The following SLC9A9 variants were observed in gnomAD, a reference collection of about 807,000 sequenced individuals.
The protein encoded by SLC9A9 is solute carrier family 9 member A9.
A neutral mutation model predicts 77.8 loss-of-function variants in SLC9A9; 62 were observed. The ratio of observed to expected loss-of-function variants is 0.80; its 90% CI spans 0.65 to 0.98. The LOEUF is 0.98. SLC9A9 is among the 50% of genes least tolerant of loss of function. The pLI is 0.00. For missense variants in SLC9A9, 775 were observed against 774.9 expected, an observed-to-expected ratio of 1.00 and a Z score of 0.00; for synonymous variants, 320 against 283.5, an observed-to-expected ratio of 1.13 and a Z score of -1.29.
intron 12 of SLC9A9, among the ~76,000 whole-genome samples, chr3:143,417,062 G>A (rs187855092): frequency 4.1e-4 from 63 of 152,206 alleles, no homozygotes; most frequent in African/African-American, 1.2e-3. Flanking sequence ...GTATGCTGAC[G>A]TTTGCCAATC....
chr3:143,740,055 A>G (rs1935039496), intron 4 of SLC9A9, among the ~76,000 whole-genome samples: 1 of 152,194 alleles, frequency 6.6e-6, no homozygotes, highest in Non-Finnish European at 1.5e-5. Context: ...GGACTGTGTT[A>G]TTGAAGATGC....
chr3:143,488,447 T>C (rs2035686797), intron 11 of SLC9A9, among the ~76,000 whole-genome samples: 1 of 151,766 alleles, frequency 6.6e-6, no homozygotes, highest in African/African-American at 2.4e-5. Flanking sequence ...CAAGACACAA[T>C]AAGAAAACCA....
Position 143,714,057 on chromosome 3 carries a change from A to G in SLC9A9, c.534-20750T>C, listed in dbSNP as rs1278235219. 3.3e-5 allele frequency among the ~76,000 whole-genome samples: 5 copies of G among 152,212 alleles called. No homozygotes were observed. The East Asian group carries it at 9.6e-4, about 29-fold the overall frequency. On this transcript the variant is annotated intron_variant, in intron 4 of 15. Coordinates refer to ENST00000316549, the MANE Select transcript of SLC9A9 (RefSeq NM_173653.4). Reference sequence around the variant, plus strand: ...TTTGCGATTAGAATGACAACAGATGAAGTTATTCTTGTCTGTGTCGAAAAA... The same window carrying G: ...TTTGCGATTAGAATGACAACAGATGGAGTTATTCTTGTCTGTGTCGAAAAA...
At chr3:143,593,375 G>C (rs552464992) in intron 6 of SLC9A9, among the ~76,000 whole-genome samples, 10 of 152,292 alleles carry the variant, frequency 6.6e-5, no homozygotes, top group African/African-American at 2.4e-4. Context: ...CAGCTAGTGG[G>C]TACTGTTGTA....
intron 12 of SLC9A9, among the ~76,000 whole-genome samples, chr3:143,408,460 T>C (rs1326217733): frequency 6.6e-6 from 1 of 152,220 alleles, no homozygotes; most frequent in East Asian, 1.9e-4. Context: ...CTATTAGCAC[T>C]GTATAATATT....
chr3:143,562,132 G>T (rs980395668), intron 8 of SLC9A9, among the ~76,000 whole-genome samples: 1 of 152,170 alleles, frequency 6.6e-6, no homozygotes, highest in African/African-American at 2.4e-5. Flanking sequence ...TGGGTATGAG[G>T]AACACAAGAC....
At chr3:143,667,969 A>C (rs1287965375) in intron 5 of SLC9A9, among the ~76,000 whole-genome samples, 1 of 152,112 alleles carries the variant, frequency 6.6e-6, no homozygotes, top group African/African-American at 2.4e-5. Context: ...TTGACCCAGC[A>C]ATCCCATTAC....
chr3:143,398,585 A>T (rs1293813504), intron 12 of SLC9A9, among the ~76,000 whole-genome samples: 2 of 152,172 alleles, frequency 1.3e-5, no homozygotes, highest in Non-Finnish European at 2.9e-5. Context: ...GCAAAAAGAG[A>T]TTTATAACCC....
chr3:143,348,957 T>C (rs1207581202), intron 14 of SLC9A9, among the ~76,000 whole-genome samples: 1 of 152,232 alleles, frequency 6.6e-6, no homozygotes, highest in Non-Finnish European at 1.5e-5. Flanking sequence ...TTCTGACTCC[T>C]AATCTTGCTG....
chr3:143,726,358 G>A (rs978594931), intron 4 of SLC9A9, among the ~76,000 whole-genome samples: 23 of 151,978 alleles, frequency 1.5e-4, no homozygotes, highest in African/African-American at 5.6e-4. Flanking sequence ...TAATGGGAAG[G>A]CTCTATATTT....
At chr3:143,347,121 C>T (rs1051316169) in intron 14 of SLC9A9, 2 of 152,138 alleles carry the variant, frequency 1.3e-5, no homozygotes, top group Non-Finnish European at 2.9e-5. Context: ...GAAGCAGTGG[C>T]TACAACTCCA....
chr3:143,742,519 T>C (rs888508009), intron 4 of SLC9A9, among the ~76,000 whole-genome samples: 1 of 152,098 alleles, frequency 6.6e-6, no homozygotes, highest in Non-Finnish European at 1.5e-5. Context: ...AGAGGGCCAA[T>C]TTACAATATA....
chr3:143,313,724 T>C (rs2031104008), intron 14 of SLC9A9, among the ~76,000 whole-genome samples: 1 of 152,214 alleles, frequency 6.6e-6, no homozygotes, highest in African/African-American at 2.4e-5. Context: ...CACTCAGGTC[T>C]CCCTGCTTCC....
intron 6 of SLC9A9, among the ~76,000 whole-genome samples, chr3:143,580,599 AT>A (rs764519368): frequency 5.9e-5 from 9 of 152,206 alleles, no homozygotes; most frequent in Non-Finnish European, 1.0e-4. Flanking sequence ...TGTGCTAATT[AT>A]ATTTCTTTTT....
intron 13 of SLC9A9, among the ~76,000 whole-genome samples, chr3:143,370,741 A>C (rs2033041886): frequency 6.6e-6 from 1 of 152,072 alleles, no homozygotes; most frequent in Non-Finnish European, 1.5e-5. Context: ...GTATGTGTCT[A>C]AAAACAAAGG....
At chr3:143,628,504 A>T (rs1368400121) in intron 6 of SLC9A9, among the ~76,000 whole-genome samples, 1 of 152,172 alleles carries the variant, frequency 6.6e-6, no homozygotes, top group Non-Finnish European at 1.5e-5. Context: ...TTTCCTACTG[A>T]ATGAGTGTCG....
intron 9 of SLC9A9, among the ~76,000 whole-genome samples, chr3:143,505,694 CA>C (rs2036002968): frequency 6.6e-6 from 1 of 152,086 alleles, no homozygotes; most frequent in Non-Finnish European, 1.5e-5. Flanking sequence ...ATGAGAATTT[CA>C]AAAGCACAGC....
intron 2 of SLC9A9, among the ~76,000 whole-genome samples, chr3:143,807,234 A>T (rs2008743487): frequency 6.6e-6 from 1 of 151,838 alleles, no homozygotes; most frequent in African/African-American, 2.4e-5. Context: ...ACTTGAGGTC[A>T]GAAGTTCAAG....
At chr3:143,635,698 C>T (rs1017036782) in intron 6 of SLC9A9, among the ~76,000 whole-genome samples, 6 of 152,308 alleles carry the variant, frequency 3.9e-5, no homozygotes, top group Non-Finnish European at 5.9e-5. Context: ...TCCCCATTTT[C>T]CCCTGACCCA....
Sources: allele counts gnomAD v4.1 joint callset (sites outside exome capture counted in the v4.1 genomes callset), GRCh38; gene constraint gnomAD v4.1.1; transcripts MANE v1.5; gene names NCBI Gene and HGNC (gene_info 2026-07-23, HGNC 2026-07-21).